HEATR5B: variants seen among roughly 807,000 people sequenced by gnomAD.
HEATR5B encodes HEAT repeat containing 5B, also known as HEAT repeat-containing protein 5B.
HEATR5B carries 156 observed loss-of-function variants against 224.1 expected under a neutral mutation model. The ratio of observed to expected loss-of-function variants is 0.70; its 90% CI spans 0.61 to 0.80. The LOEUF (loss-of-function observed/expected upper bound fraction) is 0.80, where lower values mean the gene tolerates loss of function less well. Ranked by LOEUF, HEATR5B falls within the 30% of genes least tolerant of loss-of-function variation. HEATR5B has a pLI of 0.00. For missense variants in HEATR5B, 2,323 were observed against 2,535.5 expected, an observed-to-expected ratio of 0.92 and a Z score of 1.80; for synonymous variants, 1,027 against 893.0, an observed-to-expected ratio of 1.15 and a Z score of -2.68.
chr2:36,982,541 G>A lies in HEATR5B; in HGVS notation c.5912-747C>T, dbSNP rs11124556. ...CTCATAATCACATTGAGAATTACGC[G>A]TTCTCCCCCTTAATTACTGTTAATT... On this transcript the variant is annotated intron_variant, in intron 35 of 35. Transcript: ENST00000233099. 3.3e-5 allele frequency among the ~76,000 whole-genome samples: 5 copies of A among 151,666 alleles called. No individual in the cohort carries two copies. The South Asian group carries it at 1.0e-3, about 31-fold the overall frequency.
At chr2:37,024,510 G>A (rs1228680952) in intron 24 of HEATR5B, among the ~76,000 whole-genome samples, 1 of 152,058 alleles carries the variant, frequency 6.6e-6, no homozygotes, top group Non-Finnish European at 1.5e-5. Flanking sequence ...ATATATATTT[G>A]TAAGTCAATT....
chr2:37,081,514 CCTAA>C (rs1672568173), intron 2 of HEATR5B, among the ~76,000 whole-genome samples: 1 of 152,118 alleles, frequency 6.6e-6, no homozygotes, highest in Non-Finnish European at 1.5e-5. Context: ...TGCAAAATGA[CCTAA>C]CTTACAACAC....
At chr2:37,034,740 TAG>T (rs2148480781) in intron 21 of HEATR5B, among the ~76,000 whole-genome samples, 1 of 151,938 alleles carries the variant, frequency 6.6e-6, no homozygotes, top group African/African-American at 2.4e-5. Context: ...TTATTTTTTG[TAG>T]AGACAAGGTC....
chr2:37,053,417 C>A (rs921643198), intron 17 of HEATR5B, 85 bp downstream of exon 17: 1 of 642,190 alleles, frequency 1.6e-6, no homozygotes, highest in Non-Finnish European at 2.6e-6. Flanking sequence ...TACATATAAA[C>A]ATTATAATAA....
At position 37,018,029 on chromosome 2, in the gene HEATR5B, CT is replaced by C. The variant is rs200830607; in HGVS notation, c.4104+1779del. Among the ~76,000 whole-genome samples the C allele has an allele frequency of 3.1e-3, 466 of 152,080 alleles. 5 individuals carry two copies. Among genetic ancestry groups the C allele is most frequent in the African/African-American group, 0.01 (434 of 41,508 alleles). On this transcript the variant is annotated intron_variant, in intron 26 of 35. Transcript: ENST00000233099. ...AAAGTTTCTTAACATGGCATTTGTT[CT>C]AACAAACAGGCTGGGATATCATTAA... is the stretch of plus-strand genomic sequence containing the variant.
intron 24 of HEATR5B, among the ~76,000 whole-genome samples, chr2:37,026,859 C>T (rs996615666): frequency 9.2e-5 from 14 of 152,134 alleles, no homozygotes; most frequent in Admixed American, 2.6e-4. Flanking sequence ...AGTACGGTGG[C>T]GTGATCTCAG....
At chr2:36,984,200 C>CAAAA (rs1208435239) in intron 35 of HEATR5B, among the ~76,000 whole-genome samples, 5 of 29,020 alleles carry the variant, frequency 1.7e-4, no homozygotes, top group African/African-American at 3.2e-4. Flanking sequence ...AACTCTGTCT[C>CAAAA]AAAAAAAAAA....
Position 37,007,335 on chromosome 2 carries a change from T to C in HEATR5B, c.4523-31A>G, listed in dbSNP as rs772311241. On this transcript the variant is annotated intron_variant, in intron 28 of 35. Coordinates refer to ENST00000233099, the MANE Select transcript of HEATR5B (RefSeq NM_019024.3). ...AAGCAATCAAATCAATTAAAAACAT[T>C]ACTTTTTTTTTTTTTTTTTTTTTTT... 48 of 1,414,700 alleles carry C rather than the reference T, an allele frequency of 3.4e-5. No homozygotes were observed. In the East Asian group the frequency reaches 1.0e-3, roughly 30 times the overall value. The allele number at this position is 1,414,700 out of a possible 1,614,324, so 87.6% of individuals were successfully genotyped here. A position where few individuals can be genotyped will look rare whatever the true frequency, so the allele number is the denominator to read the frequency against.
chr2:37,066,661 C>A (rs1335549965), intron 8 of HEATR5B, among the ~76,000 whole-genome samples: 1 of 152,048 alleles, frequency 6.6e-6, no homozygotes, highest in Non-Finnish European at 1.5e-5. Context: ...ATTGAGAATA[C>A]ATTCTGGCCC....
At chr2:37,066,428 T>C (rs1022395306) in intron 8 of HEATR5B, among the ~76,000 whole-genome samples, 1 of 152,238 alleles carries the variant, frequency 6.6e-6, no homozygotes, top group Non-Finnish European at 1.5e-5. Context: ...TATTACTTTA[T>C]TACCATTGCT....
chr2:37,049,983 T>C (rs1670436407), intron 17 of HEATR5B, 140 bp from the exon 18 acceptor site: 1 of 772,798 alleles, frequency 1.3e-6, no homozygotes, highest in African/African-American at 1.8e-5. Context: ...CTCGACCTTC[T>C]GAGCTCAAGC....
rs1572915970 is a variant in HEATR5B, at chr2:37,062,048, C to T, written c.1587G>A (p.Met529Ile). ...AAAGATCTTCAGCAATACTAACTACCATCTGCAAGAAAAGTTTAGAATTGG... is the reference window on the plus strand; with the variant it reads ...AAAGATCTTCAGCAATACTAACTACTATCTGCAAGAAAAGTTTAGAATTGG... ...PLGIPHAKGK[M>I]VVSIAEDLLR... Residue 529 changes from methionine (M) to isoleucine (I), a missense_variant and splice_region_variant, in exon 11 of 36, where the codon ATG (methionine) becomes ATA (isoleucine). Coordinates refer to ENST00000233099, the MANE Select transcript of HEATR5B (RefSeq NM_019024.3). 6.3e-6 allele frequency: 10 copies of T among 1,575,856 alleles called. No individual in the cohort carries two copies. Among genetic ancestry groups the T allele is most frequent in the African/African-American group, 1.3e-5 (1 of 74,270 alleles).
At chr2:36,987,540 G>C (rs1276302112) in intron 35 of HEATR5B, among the ~76,000 whole-genome samples, 1 of 151,904 alleles carries the variant, frequency 6.6e-6, no homozygotes, top group East Asian at 1.9e-4. Flanking sequence ...TATTTTGAAG[G>C]ACAAATATTG....
At chr2:37,082,511 T>A (rs1034137403) in intron 2 of HEATR5B, among the ~76,000 whole-genome samples, 6 of 152,132 alleles carry the variant, frequency 3.9e-5, no homozygotes, top group African/African-American at 1.2e-4. Context: ...ATGATGGCCA[T>A]AACGAAACCC....
rs1669694643 is a variant in HEATR5B, at chr2:37,038,912, GGGGT to G, written c.3047-892_3047-889del. Among the ~76,000 whole-genome samples the G allele has an allele frequency of 2.3e-5, 3 of 131,680 alleles. 1 individual carries two copies. Among genetic ancestry groups the G allele is most frequent in the Non-Finnish European group, 5.0e-5 (3 of 60,320 alleles). The allele number at this position is 131,680 out of a possible 152,430, so 86.4% of individuals were successfully genotyped here. A position where few individuals can be genotyped will look rare whatever the true frequency, so the allele number is the denominator to read the frequency against. On this transcript the variant is annotated intron_variant, in intron 20 of 35. Transcript: ENST00000233099. Reference sequence around the variant, plus strand: ...AAGACTCTGTCTCCCTGGGGTGGGGGGGGTGGGGAATCACATATTTTTCAATTTC... The same window carrying G: ...AAGACTCTGTCTCCCTGGGGTGGGGGGGGGAATCACATATTTTTCAATTTC...
chr2:37,020,318 G>A (rs573483767), intron 25 of HEATR5B, among the ~76,000 whole-genome samples: 3 of 152,224 alleles, frequency 2.0e-5, no homozygotes, highest in South Asian at 4.2e-4. Context: ...TAAAAATAAC[G>A]GCAGCAAATC....
At chr2:37,043,229 C>T (rs1306095093) in intron 18 of HEATR5B, among the ~76,000 whole-genome samples, 1 of 152,150 alleles carries the variant, frequency 6.6e-6, no homozygotes, top group Admixed American at 6.5e-5. Flanking sequence ...AGAACTGTAA[C>T]AGGAGATGGA....
At chr2:36,982,351 T>A (rs1190423821) in intron 35 of HEATR5B, among the ~76,000 whole-genome samples, 1 of 152,188 alleles carries the variant, frequency 6.6e-6, no homozygotes, top group Non-Finnish European at 1.5e-5. Flanking sequence ...CCGACTGATA[T>A]AAATTCCAAG....
rs1179489487 is a variant in HEATR5B, at chr2:37,049,848, A to G, written c.2506-5T>C. 15 of 1,376,540 alleles carry G rather than the reference A, an allele frequency of 1.1e-5. No individual in the cohort carries two copies. The highest frequency in any genetic ancestry group is 1.3e-5 in the Non-Finnish European group (14 of 1,060,164). 85.3% of individuals were successfully genotyped at this position (1,376,540 alleles called of 1,614,324 possible). A position where few individuals can be genotyped will look rare whatever the true frequency, so the allele number is the denominator to read the frequency against. ...ACTTTTGTTTTCAGCTAAGCCCTAC[A>G]TTAAAAAAAAAAAAAAAAAAAAGAC... is the stretch of plus-strand genomic sequence containing the variant. On this transcript the variant is annotated splice_polypyrimidine_tract_variant and splice_region_variant and intron_variant, in intron 17 of 35. Coordinates refer to ENST00000233099, the MANE Select transcript of HEATR5B (RefSeq NM_019024.3).
Sources: gnomAD v4.1 joint callset for allele counts (sites outside exome capture counted in the v4.1 genomes callset) on GRCh38, gnomAD v4.1.1 for gene constraint, MANE v1.5 for transcripts, NCBI Gene and HGNC (gene_info 2026-07-23, HGNC 2026-07-21) for gene names.